RABGAP1L: variants seen among roughly 807,000 people sequenced by gnomAD.
RABGAP1L encodes rab GTPase-activating protein 1-like.
In RABGAP1L, 63 loss-of-function variants were observed where a neutral mutation model predicts 137.7. That is an observed-to-expected ratio of 0.46 (90% CI 0.37 to 0.56). The LOEUF (loss-of-function observed/expected upper bound fraction) is 0.56. RABGAP1L is among the 20% of genes least tolerant of loss of function. The pLI is 0.00. For missense variants in RABGAP1L, 1,095 were observed against 1,244.0 expected (o/e 0.88, Z 1.80); for synonymous variants, 431 against 433.7 (o/e 0.99, Z 0.08).
chr1:174,188,622 T>C (rs1666982422), intron 1 of RABGAP1L, among the ~76,000 whole-genome samples: 2 of 152,240 alleles, frequency 1.3e-5, no homozygotes, highest in East Asian at 3.8e-4. Flanking sequence ...TTAACACTTT[T>C]GTGTCTTCTC....
chr1:174,384,027 C>G (rs574422342), intron 12 of RABGAP1L, among the ~76,000 whole-genome samples: 22 of 152,232 alleles, frequency 1.4e-4, no homozygotes, highest in Admixed American at 1.3e-3. Flanking sequence ...GCAAACAACC[C>G]AAATGTCCGT....
At chr1:174,627,398 A>C (rs1673005496) in intron 13 of RABGAP1L, among the ~76,000 whole-genome samples, 1 of 152,230 alleles carries the variant, frequency 6.6e-6, no homozygotes, top group South Asian at 2.1e-4. Context: ...ACAATGAGCA[A>C]GTAAGTGATG....
At chr1:174,407,843 A>G (rs1649453818) in intron 13 of RABGAP1L, among the ~76,000 whole-genome samples, 1 of 152,142 alleles carries the variant, frequency 6.6e-6, no homozygotes. Context: ...TGCACTAAAC[A>G]ATGAGAAATA....
intron 19 of RABGAP1L, among the ~76,000 whole-genome samples, chr1:174,857,134 C>A (rs896438753): frequency 1.3e-5 from 2 of 152,150 alleles, no homozygotes; most frequent in African/African-American, 4.8e-5. Flanking sequence ...TGCCCACTGT[C>A]GTCTGCTTTT....
chr1:174,842,299 C>T (rs1693500386), intron 19 of RABGAP1L, among the ~76,000 whole-genome samples: 1 of 152,176 alleles, frequency 6.6e-6, no homozygotes, highest in Non-Finnish European at 1.5e-5. Flanking sequence ...TTCAGAAGCA[C>T]TGATAACCCC....
intron 16 of RABGAP1L, 123 bp from the exon 17 acceptor site, chr1:174,701,989 AC>A (rs1415208326): frequency 1.2e-4 from 99 of 805,824 alleles, no homozygotes; most frequent in Non-Finnish European, 1.7e-4. Flanking sequence ...ATACAAGACA[AC>A]CAATACTAGA....
intron 19 of RABGAP1L, among the ~76,000 whole-genome samples, chr1:174,831,448 A>G (rs2148913118): frequency 6.7e-6 from 1 of 148,440 alleles, no homozygotes; most frequent in Admixed American, 6.7e-5. Flanking sequence ...AAGAAAGGAC[A>G]ACTGGCAATT....
chr1:174,324,310 GATACT>G (rs1412526304), intron 11 of RABGAP1L, among the ~76,000 whole-genome samples: 3 of 152,096 alleles, frequency 2.0e-5, no homozygotes, highest in South Asian at 4.2e-4. Context: ...AAATGAATTG[GATACT>G]ATAGATGGCA....
At chr1:174,391,696 A>G (rs551929680) in intron 12 of RABGAP1L, among the ~76,000 whole-genome samples, 1 of 152,324 alleles carries the variant, frequency 6.6e-6, no homozygotes, top group Admixed American at 6.5e-5. Flanking sequence ...TGGAGTTTTA[A>G]TAGCTGTAGA....
chr1:174,422,179 T>G (rs532891845), intron 13 of RABGAP1L, among the ~76,000 whole-genome samples: 1 of 152,354 alleles, frequency 6.6e-6, no homozygotes, highest in Admixed American at 6.5e-5. Context: ...AATGTTCTAC[T>G]ATTGCTATCT....
intron 1 of RABGAP1L, among the ~76,000 whole-genome samples, chr1:174,192,809 T>G (rs1468514280): frequency 1.4e-4 from 21 of 152,184 alleles, no homozygotes; most frequent in Admixed American, 1.4e-3. Flanking sequence ...CCAGAGTCCC[T>G]TCACATAAAC....
intron 1 of RABGAP1L, among the ~76,000 whole-genome samples, chr1:174,181,280 A>T (rs971300621): frequency 2.0e-5 from 3 of 151,024 alleles, no homozygotes; most frequent in Non-Finnish European, 4.4e-5. Flanking sequence ...AGCTGGAATT[A>T]TGTGCATGTG....
In RABGAP1L at chr1:174,644,491, C is replaced by T. The variant is rs150124627; in HGVS notation, c.1824+7003C>T. Among the ~76,000 whole-genome samples the T allele has an allele frequency of 7.8e-3, 1,182 of 151,796 alleles. 11 individuals are homozygous for T. Among genetic ancestry groups the T allele is most frequent in the Non-Finnish European group, 0.013 (874 of 67,932 alleles). Reference sequence around the variant, plus strand: ...TTATAGTCACTCTTTTTAAAAAACACTACTCTTTCAGGAGGAAAAGGAAAG... The same window carrying T: ...TTATAGTCACTCTTTTTAAAAAACATTACTCTTTCAGGAGGAAAAGGAAAG... On this transcript the variant is annotated intron_variant, in intron 14 of 25. Transcript: ENST00000681986.
intron 19 of RABGAP1L, among the ~76,000 whole-genome samples, chr1:174,823,489 C>T (rs774974648): frequency 3.9e-5 from 6 of 152,048 alleles, no homozygotes; most frequent in African/African-American, 7.2e-5. Flanking sequence ...TTTGGGGATC[C>T]GATTTACAGA....
intron 12 of RABGAP1L, among the ~76,000 whole-genome samples, chr1:174,392,582 A>ATT (rs1647286930): frequency 6.6e-6 from 1 of 152,224 alleles, no homozygotes; most frequent in Non-Finnish European, 1.5e-5. Flanking sequence ...TGGTTTACTA[A>ATT]AATTATTAAT....
At chr1:174,235,274 G>A (rs1235759326) in intron 4 of RABGAP1L, among the ~76,000 whole-genome samples, 7 of 144,388 alleles carry the variant, frequency 4.8e-5, no homozygotes, top group Non-Finnish European at 7.6e-5. Context: ...TCTCCTGCCT[G>A]ATTGCCCTGG....
At chr1:174,419,252 T>A (rs1199247472) in intron 13 of RABGAP1L, among the ~76,000 whole-genome samples, 2 of 152,216 alleles carry the variant, frequency 1.3e-5, no homozygotes, top group Non-Finnish European at 2.9e-5. Flanking sequence ...CACCTGCGGA[T>A]CTTGTTAAAA....
chr1:174,243,680 T>C (rs1369164072), intron 5 of RABGAP1L, among the ~76,000 whole-genome samples: 1 of 152,160 alleles, frequency 6.6e-6, no homozygotes, highest in Non-Finnish European at 1.5e-5. Flanking sequence ...ACAAGTGACT[T>C]TATGTTTCTC....
chr1:174,518,841 TA>T (rs1663103339), intron 13 of RABGAP1L, among the ~76,000 whole-genome samples: 1 of 152,192 alleles, frequency 6.6e-6, no homozygotes, highest in Non-Finnish European at 1.5e-5. Flanking sequence ...ACTCTCTATT[TA>T]AAACTGGTCA....
Sources: gnomAD v4.1 joint callset for allele counts (sites outside exome capture counted in the v4.1 genomes callset) on GRCh38, gnomAD v4.1.1 for gene constraint, MANE v1.5 for transcripts, NCBI Gene and HGNC (gene_info 2026-07-23, HGNC 2026-07-21) for gene names.